GANC: variants seen among roughly 807,000 people sequenced by gnomAD.
GANC encodes neutral alpha-glucosidase C.
A neutral mutation model predicts 124.2 loss-of-function variants in GANC; 117 were observed. The ratio of observed to expected loss-of-function variants is 0.94; its 90% CI spans 0.81 to 1.10. The LOEUF (loss-of-function observed/expected upper bound fraction) is 1.10. Among genes scored for constraint, GANC ranks in the 50% least tolerant of loss-of-function variants. The pLI is 0.00. For missense variants in GANC, 1,140 were observed against 1,095.0 expected, an observed-to-expected ratio of 1.04 and a Z score of -0.58; for synonymous variants, 377 against 376.8, an observed-to-expected ratio of 1.00 and a Z score of -0.01.
chr15:42,327,749 G>A (rs1659214), intron 13 of GANC, among the ~76,000 whole-genome samples: 146,498 of 152,288 alleles, frequency 0.96, 70,663 homozygotes, highest in Non-Finnish European at 1. Context: ...ATAAAATTGT[G>A]TTCCATAACT....
At chr15:42,350,935 G>T (rs141294793) in intron 22 of GANC, among the ~76,000 whole-genome samples, 6 of 151,298 alleles carry the variant, frequency 4.0e-5, no homozygotes, top group Non-Finnish European at 8.8e-5. Context: ...ACAGTGGTGC[G>T]ATCTCAGCTC....
chr15:42,345,936 CT>C, intron 20 of GANC, 104 bp downstream of exon 20: 1 of 767,348 alleles, frequency 1.3e-6, no homozygotes, highest in Non-Finnish European at 2.2e-6. Context: ...CCAACAGAAA[CT>C]TATTTTCTCG....
At chr15:42,321,367 T>G (rs1405200075) in intron 10 of GANC, among the ~76,000 whole-genome samples, 1 of 152,220 alleles carries the variant, frequency 6.6e-6, no homozygotes, top group Non-Finnish European at 1.5e-5. Flanking sequence ...GCCTGTCATG[T>G]ACTTCCTTGC....
intron 15 of GANC, among the ~76,000 whole-genome samples, chr15:42,333,634 T>C (rs1345658542): frequency 6.6e-6 from 1 of 152,234 alleles, no homozygotes; most frequent in African/African-American, 2.4e-5. Flanking sequence ...GGGTAGATTA[T>C]GCATCCATTG....
intron 11 of GANC, among the ~76,000 whole-genome samples, chr15:42,322,385 T>C (rs1304736905): frequency 6.6e-6 from 1 of 152,198 alleles, no homozygotes; most frequent in African/African-American, 2.4e-5. Context: ...ACTCATATAA[T>C]GAGGCTTTCT....
rs577810131 is a variant in GANC, at chr15:42,288,003, G to C, written c.329+185G>C. Among the ~76,000 whole-genome samples the C allele has an allele frequency of 2.6e-5, 4 of 152,234 alleles. No individual in the cohort carries two copies. The South Asian group carries it at 8.3e-4, about 32-fold the overall frequency. ...AATGTATTCAGTTATTTGGGGATAAGTCTATCCATTTTCCTTATTATCCAT... is the reference window on the plus strand; with the variant it reads ...AATGTATTCAGTTATTTGGGGATAACTCTATCCATTTTCCTTATTATCCAT... On this transcript the variant is annotated intron_variant, in intron 4 of 23. Coordinates refer to ENST00000318010, the MANE Select transcript of GANC (RefSeq NM_198141.3).
intron 16 of GANC, among the ~76,000 whole-genome samples, chr15:42,338,743 T>C (rs557357321): frequency 1.3e-4 from 20 of 152,332 alleles, no homozygotes; most frequent in Admixed American, 8.5e-4. Flanking sequence ...CATTTTCTTA[T>C]CACTTCCTTC....
chr15:42,294,494 G>A (rs1440032605), intron 5 of GANC, among the ~76,000 whole-genome samples: 1 of 146,012 alleles, frequency 6.8e-6, no homozygotes, highest in Non-Finnish European at 1.5e-5. Flanking sequence ...AGAATCTCTT[G>A]AACCCAGGAG....
At chr15:42,316,922 G>A (rs987549245) in intron 10 of GANC, among the ~76,000 whole-genome samples, 3 of 152,082 alleles carry the variant, frequency 2.0e-5, no homozygotes, top group African/African-American at 4.8e-5. Context: ...CCCTATACCC[G>A]CTGGTTATTC....
At chr15:42,320,875 A>C (rs2141055844) in intron 10 of GANC, among the ~76,000 whole-genome samples, 1 of 151,454 alleles carries the variant, frequency 6.6e-6, no homozygotes, top group South Asian at 2.1e-4. Flanking sequence ...CCTCAATACC[A>C]CTCTGGGGAG....
chr15:42,298,533 C>T (rs576740740), intron 6 of GANC, among the ~76,000 whole-genome samples: 4 of 152,276 alleles, frequency 2.6e-5, no homozygotes, highest in Admixed American at 1.3e-4. Context: ...AACTCTGGAA[C>T]GGTTCTAAGT....
chr15:42,287,620 A>T, intron 3 of GANC, 71 bp from the exon 4 acceptor site: 2 of 1,503,370 alleles, frequency 1.3e-6, no homozygotes, highest in East Asian at 2.3e-5. Flanking sequence ...TTTCCTAATT[A>T]TTGTAATTGG....
rs1378458351 is a variant in GANC, at chr15:42,322,184, TA to T, written c.1293+169del. 5.9e-5 allele frequency among the ~76,000 whole-genome samples: 9 copies of T among 152,224 alleles called. No individual in the cohort carries two copies. In the East Asian group the frequency reaches 9.6e-4, roughly 16 times the overall value. Reference sequence around the variant, plus strand: ...CTGTGATAAGAGAGAAAGTGAATGGTAAAAAGGTGATGACCCCATCCATTCC... The same window carrying T: ...CTGTGATAAGAGAGAAAGTGAATGGTAAAAGGTGATGACCCCATCCATTCC... On this transcript the variant is annotated intron_variant, in intron 11 of 23. Coordinates refer to ENST00000318010, the MANE Select transcript of GANC (RefSeq NM_198141.3).
At chr15:42,278,647 A>C in intron 3 of GANC, 57 bp downstream of exon 3, 1 of 1,239,074 alleles carries the variant, frequency 8.1e-7, no homozygotes, top group Non-Finnish European at 1.2e-6. Context: ...ATTGGGCCTG[A>C]ATGAAGTAAA....
At chr15:42,344,660 C>T (rs2052350576) in intron 19 of GANC, 1 of 152,216 alleles carries the variant, frequency 6.6e-6, no homozygotes, top group South Asian at 2.1e-4. Flanking sequence ...ATGGTCTATT[C>T]TCTTGGTTTC....
Position 42,343,266 on chromosome 15 carries a change from A to G in GANC, c.2229+112A>G, listed in dbSNP as rs2052340950. 9 of 833,440 alleles carry G rather than the reference A, an allele frequency of 1.1e-5. No individual in the cohort carries two copies. In the Admixed American group the frequency reaches 2.0e-4, roughly 18 times the overall value. 51.6% of individuals were successfully genotyped at this position (833,440 alleles called of 1,614,324 possible). A position where few individuals can be genotyped will look rare whatever the true frequency, so the allele number is the denominator to read the frequency against. On this transcript the variant is annotated intron_variant, in intron 19 of 23. Coordinates refer to ENST00000318010, the MANE Select transcript of GANC (RefSeq NM_198141.3). ...GTTTGTGAACACACCCCAGATGACTATAGCAAGTAATTATTATAATAAGTC... is the reference window on the plus strand; with the variant it reads ...GTTTGTGAACACACCCCAGATGACTGTAGCAAGTAATTATTATAATAAGTC...
At chr15:42,315,717 T>C (rs2052095629) in intron 10 of GANC, among the ~76,000 whole-genome samples, 1 of 152,166 alleles carries the variant, frequency 6.6e-6, no homozygotes, top group Admixed American at 6.5e-5. Flanking sequence ...TTAATGAGAT[T>C]AACATTTAAG....
At chr15:42,311,849 C>T (rs7182963) in intron 10 of GANC, among the ~76,000 whole-genome samples, 137,913 of 151,606 alleles carry the variant, frequency 0.91, 64,057 homozygotes, top group Non-Finnish European at 1. Context: ...CAATCAATAA[C>T]GAAAAAAAAA....
At chr15:42,288,738 G>A (rs1328823125) in intron 4 of GANC, among the ~76,000 whole-genome samples, 1 of 152,024 alleles carries the variant, frequency 6.6e-6, no homozygotes, top group Non-Finnish European at 1.5e-5. Flanking sequence ...TACCCCAGCT[G>A]GTATCAAACT....
Sources: gnomAD v4.1 joint callset for allele counts (sites outside exome capture counted in the v4.1 genomes callset) on GRCh38, gnomAD v4.1.1 for gene constraint, MANE v1.5 for transcripts, NCBI Gene and HGNC (gene_info 2026-07-23, HGNC 2026-07-21) for gene names.